Variants in TTLL5 observed in about 807,000 individuals in gnomAD.
The protein encoded by TTLL5 is tubulin polyglutamylase TTLL5.
Under a neutral mutation model 168.4 loss-of-function variants are expected in TTLL5, and 132 were observed. That is an observed-to-expected ratio of 0.78 (90% CI 0.68 to 0.91). The LOEUF is 0.91. Among genes scored for constraint, TTLL5 ranks in the 40% least tolerant of loss-of-function variants. TTLL5 has a pLI of 0.00. For missense variants in TTLL5, 1,545 were observed against 1,581.5 expected, an observed-to-expected ratio of 0.98 and a Z score of 0.39; for synonymous variants, 546 against 558.6, an observed-to-expected ratio of 0.98 and a Z score of 0.32.
At chr14:75,700,148 G>A (rs1224604480) in intron 7 of TTLL5, among the ~76,000 whole-genome samples, 1 of 152,178 alleles carries the variant, frequency 6.6e-6, no homozygotes, top group South Asian at 2.1e-4. Flanking sequence ...TCTAAAGGGG[G>A]AAATATTAGG....
chr14:75,699,827 C>T (rs570726777), intron 7 of TTLL5, among the ~76,000 whole-genome samples: 34 of 152,212 alleles, frequency 2.2e-4, no homozygotes, highest in African/African-American at 6.7e-4. Context: ...TAAAAGTTGT[C>T]TTAAATTGAA....
chr14:75,822,905 AG>A (rs1894911890), intron 28 of TTLL5, among the ~76,000 whole-genome samples: 1 of 152,190 alleles, frequency 6.6e-6, no homozygotes, highest in African/African-American at 2.4e-5. Flanking sequence ...AGACAGTCTG[AG>A]GCCTGGCCAT....
chr14:75,683,710 ATG>A lies in TTLL5; in HGVS notation c.371+56_371+57del, dbSNP rs375493904. On this transcript the variant is annotated intron_variant, in intron 5 of 31. Transcript: ENST00000298832. ...ATTTAAAGGTACATGACATTGGGGC[ATG>A]TAGCCAGCAAAGGTAATTAGTGTCC... 2.8e-4 allele frequency: 394 copies of A among 1,408,078 alleles called. 1 individual carries two copies. In the African/African-American group the frequency reaches 5.2e-3, roughly 19 times the overall value. 87.2% of individuals were successfully genotyped at this position (1,408,078 alleles called of 1,614,324 possible).
chr14:75,751,862 A>G (rs1213676478), intron 17 of TTLL5, among the ~76,000 whole-genome samples: 2 of 152,198 alleles, frequency 1.3e-5, no homozygotes, highest in African/African-American at 4.8e-5. Flanking sequence ...GTAAAGGAAT[A>G]AAAGAATGGC....
At chr14:75,685,645 A>G (rs1409367320) in intron 5 of TTLL5, among the ~76,000 whole-genome samples, 2 of 152,202 alleles carry the variant, frequency 1.3e-5, no homozygotes, top group Non-Finnish European at 2.9e-5. Flanking sequence ...GATAAGAATT[A>G]CCTAGGGTAC....
In TTLL5 at chr14:75,766,237, T is replaced by C. The variant is rs768907231; in HGVS notation, c.1884T>C (p.Asn628=). 9 of 1,613,866 alleles carry C rather than the reference T, an allele frequency of 5.6e-6. No homozygotes were observed. In the South Asian group the frequency reaches 9.9e-5, roughly 18 times the overall value. ...CCTCATTGACAGCTTTGGTAGAAAA[T>C]ACACCCAAAGAAAATTCCATGAAAG... ...YTPSLTALVE[N]TPKENSMKVR... is the part of the protein sequence containing the mutation. Residue 628 remains asparagine (N), a synonymous_variant, in exon 20 of 32, where the codon AAT becomes AAC. Coordinates refer to ENST00000298832, the MANE Select transcript of TTLL5 (RefSeq NM_015072.5).
At chr14:75,730,568 C>CTT (rs1294709320) in intron 12 of TTLL5, among the ~76,000 whole-genome samples, 1 of 152,102 alleles carries the variant, frequency 6.6e-6, no homozygotes, top group Non-Finnish European at 1.5e-5. Context: ...ATATGAATGT[C>CTT]TGAGTTCATA....
At chr14:75,953,540 A>G (rs1799681709) in intron 31 of TTLL5, among the ~76,000 whole-genome samples, 2 of 152,226 alleles carry the variant, frequency 1.3e-5, no homozygotes, top group South Asian at 4.1e-4. Context: ...CAAACAAGGG[A>G]AGGATAAACA....
intron 9 of TTLL5, chr14:75,709,395 C>G: frequency 5.5e-6 from 3 of 550,212 alleles, no homozygotes. Flanking sequence ...GTGTTCCGTT[C>G]GCCTCTAGGT....
chr14:75,886,884 T>G, intron 30 of TTLL5: 1 of 1,454,616 alleles, frequency 6.9e-7, no homozygotes, highest in African/African-American at 1.4e-5. Flanking sequence ...GAGATTGAAG[T>G]TTGCCAGGCA....
intron 12 of TTLL5, among the ~76,000 whole-genome samples, chr14:75,723,726 A>G (rs921482101): frequency 2.0e-5 from 3 of 152,194 alleles, no homozygotes; most frequent in Non-Finnish European, 4.4e-5. Flanking sequence ...TCTCTGACTC[A>G]GTGAAATACC....
intron 26 of TTLL5, among the ~76,000 whole-genome samples, chr14:75,791,026 A>C (rs1892676456): frequency 6.9e-6 from 1 of 144,064 alleles, no homozygotes; most frequent in Non-Finnish European, 1.5e-5. Flanking sequence ...GATTGGCGTG[A>C]ACCTGGGAGG....
chr14:75,931,710 T>C (rs78884537), intron 31 of TTLL5, among the ~76,000 whole-genome samples: 2 of 152,120 alleles, frequency 1.3e-5, no homozygotes, highest in African/African-American at 4.8e-5. Flanking sequence ...TAAAGACCAC[T>C]CCCCAGCCAC....
At chr14:75,881,385 A>T (rs893035462) in intron 29 of TTLL5, among the ~76,000 whole-genome samples, 4 of 152,176 alleles carry the variant, frequency 2.6e-5, no homozygotes, top group Non-Finnish European at 5.9e-5. Flanking sequence ...CATCTCAGTG[A>T]AACACATTTA....
At chr14:75,898,041 C>T (rs1423795537) in intron 30 of TTLL5, among the ~76,000 whole-genome samples, 2 of 152,202 alleles carry the variant, frequency 1.3e-5, no homozygotes, top group African/African-American at 2.4e-5. Context: ...GTATTTCTCA[C>T]TGTCAAGCTC....
chr14:75,736,524 A>G (rs1233362347), intron 15 of TTLL5, among the ~76,000 whole-genome samples: 2 of 152,172 alleles, frequency 1.3e-5, no homozygotes, highest in African/African-American at 4.8e-5. Context: ...GAGAGTGCAT[A>G]CCTCATCTGA....
chr14:75,898,316 A>C (rs1006122568), intron 30 of TTLL5, among the ~76,000 whole-genome samples: 1 of 152,182 alleles, frequency 6.6e-6, no homozygotes, highest in African/African-American at 2.4e-5. Flanking sequence ...TAGCAAGGGC[A>C]TCCCACTGCA....
intron 28 of TTLL5, among the ~76,000 whole-genome samples, chr14:75,845,227 G>A (rs566152507): frequency 6.6e-6 from 1 of 152,222 alleles, no homozygotes; most frequent in East Asian, 1.9e-4. Flanking sequence ...ATTTAAAAAA[G>A]TGTACACCTA....
intron 3 of TTLL5, among the ~76,000 whole-genome samples, chr14:75,677,159 A>C (rs1884228104): frequency 6.6e-6 from 1 of 152,092 alleles, no homozygotes; most frequent in Admixed American, 6.6e-5. Flanking sequence ...TACTATATAA[A>C]AATAATTTAT....
Sources: allele counts gnomAD v4.1 joint callset (sites outside exome capture counted in the v4.1 genomes callset), GRCh38; gene constraint gnomAD v4.1.1; transcripts MANE v1.5; gene names NCBI Gene and HGNC (gene_info 2026-07-23, HGNC 2026-07-21).